Variants in PCDHA2 observed in about 807,000 individuals in gnomAD.
The protein encoded by PCDHA2 is protocadherin alpha-2.
A neutral mutation model predicts 66.0 loss-of-function variants in PCDHA2; 58 were observed. The ratio of observed to expected loss-of-function variants is 0.88; its 90% confidence interval spans 0.71 to 1.09. The LOEUF is 1.09. Ranked by LOEUF, PCDHA2 falls within the 50% of genes least tolerant of loss-of-function variation. The pLI, the probability that PCDHA2 is intolerant of heterozygous loss-of-function variation, is 0.00. For synonymous variants in PCDHA2, 634 were observed against 554.0 expected (o/e 1.14, Z -2.03); for missense variants, 1,267 against 1,242.3 (o/e 1.02, Z -0.30).
chr5:140,970,873 A>G (rs138100298), intron 1 of PCDHA2, among the ~76,000 whole-genome samples: 80 of 152,316 alleles, frequency 5.3e-4, no homozygotes, highest in African/African-American at 1.8e-3. Context: ...GATTGAGAGT[A>G]GATTTTTCTC....
chr5:140,795,142 G>T lies in PCDHA2; in HGVS notation c.178G>T (p.Val60Leu). Residue 60 changes from valine to leucine, a missense_variant, in exon 1 of 4, where the codon GTG becomes TTG. Coordinates refer to ENST00000526136, the MANE Select transcript of PCDHA2 (RefSeq NM_018905.3). Reference sequence around the variant, plus strand: ...CCTGGGGCTGGAGCTGGAGGAGCTGGTGCCGCGCCTGTTCCGGGTGGCGTC... The same window carrying T: ...CCTGGGGCTGGAGCTGGAGGAGCTGTTGCCGCGCCTGTTCCGGGTGGCGTC... ...QDLGLELEEL[V>L]PRLFRVASKR... The T allele has an allele frequency of 6.2e-7, 1 of 1,614,046 alleles. No homozygotes were observed. Among genetic ancestry groups the T allele is most frequent in the East Asian group, 2.2e-5 (1 of 44,886 alleles).
chr5:140,807,821 C>T, intron 1 of PCDHA2: 1 of 1,614,090 alleles, frequency 6.2e-7, no homozygotes, highest in Non-Finnish European at 8.5e-7. Flanking sequence ...TTTTTTAGTG[C>T]TCACAGCCAC....
chr5:140,883,702 T>G (rs367854871), intron 1 of PCDHA2: 3 of 1,613,750 alleles, frequency 1.9e-6, no homozygotes, highest in Non-Finnish European at 2.5e-6. Flanking sequence ...TCACGGTGTC[T>G]GCTCAGGACG....
chr5:140,989,633 A>AGG (rs2097351730), intron 3 of PCDHA2, among the ~76,000 whole-genome samples: 1 of 152,226 alleles, frequency 6.6e-6, no homozygotes. Flanking sequence ...AGTGACAGCA[A>AGG]GGGTCTTTCA....
chr5:140,801,897 G>A, intron 1 of PCDHA2: 1 of 1,614,178 alleles, frequency 6.2e-7, no homozygotes, highest in Non-Finnish European at 8.5e-7. Context: ...CACTGTTTTA[G>A]ATGTAAACGA....
chr5:140,966,190 C>G (rs1251814900), intron 1 of PCDHA2: 1 of 203,228 alleles, frequency 4.9e-6, no homozygotes, highest in Non-Finnish European at 9.7e-6. Context: ...AGCCAGACTT[C>G]TAGGGGCTTG....
intron 1 of PCDHA2, among the ~76,000 whole-genome samples, chr5:140,821,284 T>C (rs2150109169): frequency 6.6e-6 from 1 of 152,282 alleles, no homozygotes; most frequent in African/African-American, 2.4e-5. Context: ...TGGAAATATA[T>C]AAACTCCTCC....
chr5:141,005,659 G>A (rs963015988), intron 3 of PCDHA2, among the ~76,000 whole-genome samples: 2 of 123,926 alleles, frequency 1.6e-5, no homozygotes, highest in South Asian at 2.6e-4. Flanking sequence ...TCGAGATCGC[G>A]CCACTGCACT....
intron 1 of PCDHA2, among the ~76,000 whole-genome samples, chr5:140,910,538 AT>A: frequency 6.6e-6 from 1 of 152,180 alleles, no homozygotes; most frequent in Non-Finnish European, 1.5e-5. Context: ...TCACAAATCT[AT>A]TTTGCAAAGT....
At chr5:140,941,042 T>C (rs532611705) in intron 1 of PCDHA2, among the ~76,000 whole-genome samples, 11 of 152,310 alleles carry the variant, frequency 7.2e-5, no homozygotes, top group African/African-American at 2.2e-4. Context: ...TGGTGCCAAG[T>C]CAAATTCCCC....
At chr5:140,814,714 T>C (rs1554126579) in intron 1 of PCDHA2, 2 of 152,190 alleles carry the variant, frequency 1.3e-5, no homozygotes. Flanking sequence ...CACTAGGTGA[T>C]AGGAATTTTT....
At position 140,851,049 on chromosome 5, in the gene PCDHA2, T is replaced by C. The variant is rs114642351; in HGVS notation, c.2388+53697T>C. 2.7e-3 allele frequency: 3,765 copies of C among 1,386,504 alleles called. 305 individuals are homozygous for C. The highest frequency in any genetic ancestry group is 3.1e-3 in the Non-Finnish European group (3,266 of 1,057,356). The allele number at this position is 1,386,504 out of a possible 1,614,324, so 85.9% of individuals were successfully genotyped here. On this transcript the variant is annotated intron_variant, in intron 1 of 3. Coordinates refer to ENST00000526136, the MANE Select transcript of PCDHA2 (RefSeq NM_018905.3). ...AACCCCTTAACATTGGAGCCGACTTTGTCTTGACTTCTAGTGAGAATTATA... is the reference window on the plus strand; with the variant it reads ...AACCCCTTAACATTGGAGCCGACTTCGTCTTGACTTCTAGTGAGAATTATA...
intron 1 of PCDHA2, chr5:140,808,294 C>T (rs942791264): frequency 2.5e-6 from 4 of 1,614,156 alleles, no homozygotes; most frequent in African/African-American, 1.3e-5. Context: ...GTACAGTCAT[C>T]GCCCTGATCA....
chr5:140,967,601 C>A lies in PCDHA2; in HGVS notation c.2389-11348C>A, dbSNP rs782574259. The A allele has an allele frequency of 9.3e-6, 15 of 1,614,144 alleles. No individual in the cohort carries two copies. The highest frequency in any genetic ancestry group is 1.3e-5 in the Non-Finnish European group (15 of 1,180,034). ...ACCCCCAGGCACATTGGTGGTGAAGCTGAATGCCTCAGACCCGGATGAGGG... is the reference window on the plus strand; with the variant it reads ...ACCCCCAGGCACATTGGTGGTGAAGATGAATGCCTCAGACCCGGATGAGGG... On this transcript the variant is annotated intron_variant, in intron 1 of 3. Transcript: ENST00000526136.
intron 1 of PCDHA2, among the ~76,000 whole-genome samples, chr5:140,973,778 T>C (rs910410874): frequency 3.9e-5 from 6 of 152,256 alleles, no homozygotes; most frequent in African/African-American, 1.4e-4. Context: ...ATATTATAGG[T>C]TGCCTATTGG....
intron 1 of PCDHA2, chr5:140,836,861 T>A (rs1774783452): frequency 2.6e-6 from 2 of 770,272 alleles, no homozygotes; most frequent in South Asian, 4.4e-5. Context: ...TATTTTTTAA[T>A]GTTATGCTGT....
chr5:140,909,254 G>T (rs915513119), intron 1 of PCDHA2, among the ~76,000 whole-genome samples: 1 of 152,216 alleles, frequency 6.6e-6, no homozygotes, highest in Non-Finnish European at 1.5e-5. Context: ...TGCTGGCCTT[G>T]CTGACTGAAG....
chr5:140,896,465 C>A (rs967658819), intron 1 of PCDHA2, among the ~76,000 whole-genome samples: 2 of 151,988 alleles, frequency 1.3e-5, no homozygotes, highest in Non-Finnish European at 2.9e-5. Flanking sequence ...TGGGTTCAAG[C>A]GGTTCTCCTG....
chr5:140,869,555 G>A, intron 1 of PCDHA2: 1 of 1,614,172 alleles, frequency 6.2e-7, no homozygotes, highest in Non-Finnish European at 8.5e-7. Flanking sequence ...TCGGACTCGC[G>A]TTTTCCACTA....
Sources: allele counts gnomAD v4.1 joint callset (sites outside exome capture counted in the v4.1 genomes callset), GRCh38; gene constraint gnomAD v4.1.1; transcripts MANE v1.5; gene names NCBI Gene and HGNC (gene_info 2026-07-23, HGNC 2026-07-21).